Variants in KCNK2 observed in about 807,000 individuals in gnomAD.
The protein encoded by KCNK2 is potassium two pore domain channel subfamily K member 2, also known as potassium channel subfamily K member 2.
A neutral mutation model predicts 40.5 loss-of-function variants in KCNK2; 21 were observed. That is an observed-to-expected ratio of 0.52 (90% confidence interval 0.37 to 0.75). The LOEUF is 0.75. Among genes scored for constraint, KCNK2 ranks in the 30% least tolerant of loss-of-function variants. The pLI is 0.00. For synonymous variants in KCNK2, 191 were observed against 202.2 expected, an observed-to-expected ratio of 0.94 and a Z score of 0.47; for missense variants, 399 against 531.6, an observed-to-expected ratio of 0.75 and a Z score of 2.45.
chr1:215,195,171 A>G (rs1556907), intron 6 of KCNK2, 79 bp downstream of exon 6: 458,090 of 1,107,458 alleles, frequency 0.41, 96,817 homozygotes, highest in South Asian at 0.62. Context: ...TTATGTTTAC[A>G]TTTAAAATAT....
At chr1:215,229,421 T>C (rs1472353918) in intron 6 of KCNK2, among the ~76,000 whole-genome samples, 1 of 152,022 alleles carries the variant, frequency 6.6e-6, no homozygotes, top group Non-Finnish European at 1.5e-5. Flanking sequence ...CCCAGCACTT[T>C]AGGAGGCTAA....
chr1:215,007,065 G>GTGTGTGTATATATATA (rs1376142921), intron 1 of KCNK2, among the ~76,000 whole-genome samples: 2 of 130,058 alleles, frequency 1.5e-5, no homozygotes, highest in African/African-American at 3.1e-5. Flanking sequence ...ATATATGTGT[G>GTGTGTGTATATATATA]TGTGTGTATA....
At chr1:215,083,488 C>A (rs570938656) in intron 1 of KCNK2, 57 bp downstream of exon 1, 1 of 1,323,980 alleles carries the variant, frequency 7.6e-7, no homozygotes, top group East Asian at 2.3e-5. Flanking sequence ...CCTGCCCCAG[C>A]CTTTTCTGGG....
intron 6 of KCNK2, among the ~76,000 whole-genome samples, chr1:215,199,818 C>T (rs1012777072): frequency 6.6e-6 from 1 of 152,160 alleles, no homozygotes; most frequent in Non-Finnish European, 1.5e-5. Context: ...AAAATCTGTG[C>T]TTGCTTAGGA....
intron 6 of KCNK2, among the ~76,000 whole-genome samples, chr1:215,229,399 C>T (rs1666525429): frequency 1.3e-5 from 2 of 152,020 alleles, no homozygotes; most frequent in African/African-American, 2.4e-5. Context: ...TACTGTGGCT[C>T]ACACCTGTAA....
chr1:215,020,238 A>G (rs1362761657), intron 1 of KCNK2, among the ~76,000 whole-genome samples: 1 of 152,194 alleles, frequency 6.6e-6, no homozygotes, highest in Non-Finnish European at 1.5e-5. Flanking sequence ...AATCTATTGA[A>G]TAAATGTATC....
rs184385660 is a variant in KCNK2 at position 215,050,832 on chromosome 1, T to C, written c.35-35536T>C. Among the ~76,000 whole-genome samples, 324 of 152,270 alleles carry C rather than the reference T, an allele frequency of 2.1e-3. 1 individual carries two copies. Among genetic ancestry groups the C allele is most frequent in the Admixed American group, 4.1e-3 (62 of 15,290 alleles). On this transcript the variant is annotated intron_variant, in intron 1 of 6. Coordinates refer to the KCNK2 transcript ENST00000391895. ...CTACTGCCGATGTCCTCCAAGCAAG[T>C]CCACTGTAAACAAACTTGTAGTTGA...
At chr1:215,154,154 C>T (rs1662806914) in intron 3 of KCNK2, among the ~76,000 whole-genome samples, 1 of 152,122 alleles carries the variant, frequency 6.6e-6, no homozygotes, top group African/African-American at 2.4e-5. Context: ...GATTCTACAT[C>T]CTTGAGGAAT....
At chr1:215,085,550 A>T (rs189126493) in intron 1 of KCNK2, among the ~76,000 whole-genome samples, 244 of 152,338 alleles carry the variant, frequency 1.6e-3, no homozygotes, top group Non-Finnish European at 2.6e-3. Flanking sequence ...CTTTGAACAG[A>T]GCATGTAGAC....
intron 3 of KCNK2, among the ~76,000 whole-genome samples, chr1:215,131,332 A>T (rs941852008): frequency 1.4e-5 from 2 of 146,214 alleles, no homozygotes; most frequent in African/African-American, 2.5e-5. Context: ...AATTTTTATA[A>T]TTATATAAAT....
chr1:215,174,356 C>G (rs948845217), intron 5 of KCNK2, among the ~76,000 whole-genome samples: 1 of 152,130 alleles, frequency 6.6e-6, no homozygotes, highest in Non-Finnish European at 1.5e-5. Context: ...CAGTACCATG[C>G]TGTTTTGGTT....
At position 215,068,357 on chromosome 1, in the gene KCNK2, T is replaced by C. The variant is rs187118075; in HGVS notation, c.35-18011T>C. Reference sequence around the variant, plus strand: ...TATATGAAGAATATAATGCCACATATGAAAATGGTACAGAGGACATCTATT... The same window carrying C: ...TATATGAAGAATATAATGCCACATACGAAAATGGTACAGAGGACATCTATT... On this transcript the variant is annotated intron_variant, in intron 1 of 6. Transcript: ENST00000391895. Among the ~76,000 whole-genome samples, 623 of 152,204 alleles carry C rather than the reference T, an allele frequency of 4.1e-3. 5 individuals are homozygous for C. The highest frequency in any genetic ancestry group is 0.014 in the African/African-American group (582 of 41,518).
chr1:215,151,483 T>C (rs575202786), intron 3 of KCNK2, among the ~76,000 whole-genome samples: 7 of 152,276 alleles, frequency 4.6e-5, no homozygotes, highest in Admixed American at 2.0e-4. Context: ...CTTGATATCA[T>C]GTAAGGCAAA....
intron 6 of KCNK2, among the ~76,000 whole-genome samples, chr1:215,215,062 A>T (rs1665900853): frequency 6.6e-6 from 1 of 152,172 alleles, no homozygotes; most frequent in Non-Finnish European, 1.5e-5. Flanking sequence ...TGAGAGAGAA[A>T]CCTGGGAATA....
chr1:215,083,263 C>G lies in KCNK2; in HGVS notation c.-123C>G. On this transcript the variant is annotated 5_prime_UTR_variant, in exon 1 of 7. Transcript: ENST00000444842. ...TTGTAAAACAAAGCCGGGGAAAATG[C>G]CTGCCCGTGCAGCTCGGAGCGCGCA... 2 of 1,479,452 alleles carry G rather than the reference C, an allele frequency of 1.4e-6. No individual in the cohort carries two copies. Among genetic ancestry groups the G allele is most frequent in the South Asian group, 2.2e-5 (2 of 89,888 alleles). The allele number at this position is 1,479,452 out of a possible 1,614,324, so 91.6% of individuals were successfully genotyped here. A position where few individuals can be genotyped will look rare whatever the true frequency, so the allele number is the denominator to read the frequency against.
intron 2 of KCNK2, among the ~76,000 whole-genome samples, chr1:215,099,245 T>C (rs995733108): frequency 6.6e-6 from 1 of 151,904 alleles, no homozygotes; most frequent in Non-Finnish European, 1.5e-5. Flanking sequence ...TAGCTTCCAC[T>C]TATAAGTGAG....
At chr1:215,150,782 T>C (rs528121504) in intron 3 of KCNK2, among the ~76,000 whole-genome samples, 2 of 152,092 alleles carry the variant, frequency 1.3e-5, no homozygotes, top group African/African-American at 4.8e-5. Context: ...TATTCTCCTT[T>C]ATTTACTAGG....
In KCNK2 at chr1:215,182,852, G is replaced by C. The variant is rs567294348; in HGVS notation, c.823+10669G>C. On this transcript the variant is annotated intron_variant, in intron 5 of 6. Transcript: ENST00000444842. ...CTTTTCCCAGTGCCTTTCCCTCACT[G>C]CATTTCCAAGCTCTCCCCAAGTTAG... 9.9e-5 allele frequency among the ~76,000 whole-genome samples: 15 copies of C among 152,236 alleles called. No homozygotes were observed. In the South Asian group the frequency reaches 1.4e-3, roughly 15 times the overall value.
intron 1 of KCNK2, among the ~76,000 whole-genome samples, chr1:215,075,843 T>A (rs1354042990): frequency 6.6e-6 from 1 of 152,178 alleles, no homozygotes; most frequent in Non-Finnish European, 1.5e-5. Flanking sequence ...TGAACTAGAA[T>A]CCTGCCTCTC....
Sources: gnomAD v4.1 joint callset for allele counts (sites outside exome capture counted in the v4.1 genomes callset) on GRCh38, gnomAD v4.1.1 for gene constraint, MANE v1.5 for transcripts, NCBI Gene and HGNC (gene_info 2026-07-23, HGNC 2026-07-21) for gene names.